The following EPHA6 variants were observed in gnomAD, a reference collection of about 807,000 sequenced individuals.
The protein encoded by EPHA6 is ephrin type-A receptor 6.
EPHA6 carries 50 observed loss-of-function variants against 112.0 expected under a neutral mutation model. That is an observed-to-expected ratio of 0.45 (90% CI 0.36 to 0.56). EPHA6 has a LOEUF of 0.56. EPHA6 is among the 20% of genes least tolerant of loss of function. The pLI, the probability that EPHA6 is intolerant of heterozygous loss-of-function variation, is 0.00. For synonymous variants in EPHA6, 529 were observed against 490.7 expected, an observed-to-expected ratio of 1.08 and a Z score of -1.03; for missense variants, 1,280 against 1,417.4, an observed-to-expected ratio of 0.90 and a Z score of 1.56.
At chr3:97,001,354 A>G (rs1243348726) in intron 3 of EPHA6, among the ~76,000 whole-genome samples, 2 of 151,932 alleles carry the variant, frequency 1.3e-5, no homozygotes, top group Non-Finnish European at 2.9e-5. Flanking sequence ...ATGTGGACAT[A>G]AACTCGGATA....
intron 3 of EPHA6, among the ~76,000 whole-genome samples, chr3:97,008,519 A>T (rs1358675170): frequency 6.6e-6 from 1 of 152,154 alleles, no homozygotes; most frequent in African/African-American, 2.4e-5. Flanking sequence ...CTAACCTTTT[A>T]TCAAGGTTCT....
chr3:97,700,411 T>A (rs1190363749), intron 14 of EPHA6, among the ~76,000 whole-genome samples: 2 of 152,178 alleles, frequency 1.3e-5, no homozygotes, highest in Non-Finnish European at 2.9e-5. Flanking sequence ...CCAGAAGTGG[T>A]AGAAGTCACA....
intron 7 of EPHA6, among the ~76,000 whole-genome samples, chr3:97,474,980 T>A (rs981652678): frequency 2.0e-5 from 3 of 152,128 alleles, no homozygotes; most frequent in Admixed American, 6.6e-5. Context: ...TAAAGCCTGG[T>A]CTATTGGCCA....
intron 1 of EPHA6, among the ~76,000 whole-genome samples, chr3:96,865,408 G>C (rs1422671682): frequency 6.6e-6 from 1 of 152,070 alleles, no homozygotes; most frequent in East Asian, 1.9e-4. Flanking sequence ...CCAGCCAGGT[G>C]CCTTGGCTCA....
chr3:97,265,512 C>T (rs1415064843), intron 5 of EPHA6, among the ~76,000 whole-genome samples: 3 of 152,214 alleles, frequency 2.0e-5, no homozygotes, highest in African/African-American at 7.2e-5. Context: ...TCAGCCCCAG[C>T]CCTCCTGCTC....
chr3:97,494,232 G>A lies in EPHA6; in HGVS notation c.2200+10173G>A, dbSNP rs112658037. Among the ~76,000 whole-genome samples the A allele has an allele frequency of 3.7e-3, 566 of 152,104 alleles. 4 individuals are homozygous for A. The highest frequency in any genetic ancestry group is 0.012 in the African/African-American group (503 of 41,494). ...ATGGAAAAGTACCTTAATTTTATCC[G>A]GAAATAATATTTGTGTCATAAATAG... On this transcript the variant is annotated intron_variant, in intron 10 of 17. Transcript: ENST00000389672.
At position 96,819,525 on chromosome 3, in the gene EPHA6, C is replaced by T. The variant is rs566767348; in HGVS notation, c.385+4517C>T. On this transcript the variant is annotated intron_variant, in intron 1 of 17. Transcript: ENST00000389672. ...AATGGTGAAAGAATAGATCCCACTT[C>T]ACACTGTTCATCAACCAAATCCCAA... is the stretch of plus-strand genomic sequence containing the variant. 1.5e-4 allele frequency among the ~76,000 whole-genome samples: 23 copies of T among 152,190 alleles called. No homozygotes were observed. The East Asian group carries it at 4.1e-3, about 27-fold the overall frequency.
Position 97,720,276 on chromosome 3 carries a change from A to C in EPHA6, c.2800A>C (p.Ile934Leu). The change falls in exon 15 of 18, where the codon ATA (isoleucine) becomes CTA (leucine). Residue 934 changes from isoleucine to leucine, a missense_variant. Physicochemically the swap from Ile to Leu is conservative, Grantham distance 5 (BLOSUM62 2). This residue lies in a region of EPHA6 where 878 missense variants were observed against 999.7 expected (regional missense o/e 0.88). Transcript: ENST00000389672. ...AYTTTGGKIP[I>L]RWTAPEAIAY... The stretch of plus-strand genomic sequence containing the variant: ...TGTTTTCCAGGGTGGAAAAATCCCC[A>C]TAAGGTGGACAGCCCCAGAAGCCAT... 1 of 1,596,906 alleles carries C rather than the reference A, an allele frequency of 6.3e-7. No individual in the cohort carries two copies. The highest frequency in any genetic ancestry group is 1.1e-5 in the South Asian group (1 of 87,600).
At chr3:96,855,347 C>T (rs986107320) in intron 1 of EPHA6, among the ~76,000 whole-genome samples, 1 of 152,070 alleles carries the variant, frequency 6.6e-6, no homozygotes, top group Non-Finnish European at 1.5e-5. Context: ...ATATGGACAA[C>T]CTGGGAGACA....
At chr3:97,264,478 CTT>C (rs565146927) in intron 5 of EPHA6, among the ~76,000 whole-genome samples, 4 of 152,244 alleles carry the variant, frequency 2.6e-5, no homozygotes, top group Non-Finnish European at 5.9e-5. Flanking sequence ...TGCATGGAAA[CTT>C]GGAGACATCC....
At chr3:97,063,684 A>G (rs1379168265) in intron 3 of EPHA6, among the ~76,000 whole-genome samples, 1 of 152,304 alleles carries the variant, frequency 6.6e-6, no homozygotes, top group South Asian at 2.1e-4. Context: ...CGTTCTGTAC[A>G]TATACTCTGG....
chr3:97,286,767 T>C (rs1330797162), intron 5 of EPHA6, among the ~76,000 whole-genome samples: 1 of 152,022 alleles, frequency 6.6e-6, no homozygotes, highest in Non-Finnish European at 1.5e-5. Context: ...TTTTTTCTAG[T>C]TCTGTGAAAA....
In EPHA6 at chr3:96,994,757, A is replaced by C. The variant is rs1475365982; in HGVS notation, c.1114+6764A>C. On this transcript the variant is annotated intron_variant, in intron 3 of 17. Transcript: ENST00000389672. ...TAGAGAGAGAGAGAGAGAGAGAGAG[A>C]GAGAGCTATATATATACCTACAGGC... is the stretch of plus-strand genomic sequence containing the variant. Among the ~76,000 whole-genome samples the C allele has an allele frequency of 2.1e-5, 3 of 139,882 alleles. 1 individual carries two copies. The highest frequency in any genetic ancestry group is 8.4e-5 in the African/African-American group (3 of 35,556). The allele number at this position is 139,882 out of a possible 152,430, so 91.8% of individuals were successfully genotyped here. A position where few individuals can be genotyped will look rare whatever the true frequency, so the allele number is the denominator to read the frequency against.
At chr3:97,445,139 T>C (rs1242906915) in intron 6 of EPHA6, among the ~76,000 whole-genome samples, 2 of 152,116 alleles carry the variant, frequency 1.3e-5, no homozygotes, top group Admixed American at 6.6e-5. Flanking sequence ...TTTTAGAAAA[T>C]GATACAACTT....
At chr3:97,321,781 A>G (rs2082133697) in intron 5 of EPHA6, among the ~76,000 whole-genome samples, 1 of 152,092 alleles carries the variant, frequency 6.6e-6, no homozygotes, top group Non-Finnish European at 1.5e-5. Context: ...GAGTCAACAA[A>G]TTATTTGTTA....
intron 14 of EPHA6, among the ~76,000 whole-genome samples, chr3:97,698,727 C>T (rs2107729688): frequency 6.6e-6 from 1 of 152,290 alleles, no homozygotes; most frequent in East Asian, 1.9e-4. Flanking sequence ...GGGCATGTGG[C>T]CCTCGACAAT....
chr3:97,521,280 G>C (rs1367410975), intron 10 of EPHA6, among the ~76,000 whole-genome samples: 3 of 147,260 alleles, frequency 2.0e-5, no homozygotes, highest in Non-Finnish European at 3.0e-5. Context: ...CATGTTTCTT[G>C]TGTCTTTACA....
Position 96,956,806 on chromosome 3 carries a change from G to A in EPHA6, c.451-30524G>A, listed in dbSNP as rs557408097. ...TCCCAGGACTTTGTGGGGCTGAGGC[G>A]GGTGGATCACGAGGTCCGGAGTTCG... On this transcript the variant is annotated intron_variant, in intron 2 of 17. Coordinates refer to ENST00000389672, the MANE Select transcript of EPHA6 (RefSeq NM_001080448.3). Among the ~76,000 whole-genome samples the A allele has an allele frequency of 9.9e-5, 15 of 152,184 alleles. No individual in the cohort carries two copies. In the East Asian group the frequency reaches 1.2e-3, roughly 12 times the overall value.
At chr3:96,903,069 T>C (rs938407851) in intron 2 of EPHA6, among the ~76,000 whole-genome samples, 4 of 152,118 alleles carry the variant, frequency 2.6e-5, no homozygotes, top group African/African-American at 9.7e-5. Context: ...GTTATAGACT[T>C]ATGGTGAAGT....
Sources: allele counts gnomAD v4.1 joint callset (sites outside exome capture counted in the v4.1 genomes callset), GRCh38; gene constraint gnomAD v4.1.1; regional missense constraint gnomAD v4.1.1; transcripts MANE v1.5; gene names NCBI Gene and HGNC (gene_info 2026-07-23, HGNC 2026-07-21).